TENM2: variants seen among roughly 807,000 people sequenced by gnomAD.
TENM2 encodes the protein teneurin-2.
TENM2 carries 52 observed loss-of-function variants against 245.2 expected under a neutral mutation model. The observed-to-expected ratio is 0.21, with a 90% CI of 0.17 to 0.27. The LOEUF (loss-of-function observed/expected upper bound fraction) is 0.27. TENM2 is among the 10% of genes least tolerant of loss of function. The pLI, the probability that TENM2 is intolerant of heterozygous loss-of-function variation, is 1.00. For missense variants in TENM2, 3,046 were observed against 3,666.8 expected, an observed-to-expected ratio of 0.83 and a Z score of 4.37; for synonymous variants, 1,363 against 1,438.9, an observed-to-expected ratio of 0.95 and a Z score of 1.19.
At chr5:167,808,746 G>A (rs1367946733) in intron 2 of TENM2, among the ~76,000 whole-genome samples, 1 of 152,120 alleles carries the variant, frequency 6.6e-6, no homozygotes, top group Non-Finnish European at 1.5e-5. Context: ...TTTAAAAAGT[G>A]TATCTTTGTC....
chr5:167,506,195 C>T (rs1217836418), intron 2 of TENM2, among the ~76,000 whole-genome samples: 1 of 152,128 alleles, frequency 6.6e-6, no homozygotes, highest in Non-Finnish European at 1.5e-5. Flanking sequence ...CATGTGTTTT[C>T]CATTAGCATA....
At chr5:167,107,249 C>T in the TENM2 span, among the ~76,000 whole-genome samples, 26 of 144,972 alleles carry the variant, frequency 1.8e-4, 1 homozygote, top group African/African-American at 5.7e-4. Context: ...GCAACAAGAG[C>T]GAAACTTCGT....
At chr5:167,671,040 G>T (rs938280401) in intron 2 of TENM2, among the ~76,000 whole-genome samples, 1 of 152,026 alleles carries the variant, frequency 6.6e-6, no homozygotes, top group Admixed American at 6.6e-5. Context: ...CAATAAATGT[G>T]TAATCTTGTG....
At chr5:167,561,106 G>T (rs1408500442) in intron 2 of TENM2, among the ~76,000 whole-genome samples, 1 of 152,138 alleles carries the variant, frequency 6.6e-6, no homozygotes, top group Non-Finnish European at 1.5e-5. Flanking sequence ...AGGTACCTTG[G>T]TATATTCATC....
the TENM2 span, among the ~76,000 whole-genome samples, chr5:167,104,364 G>A: frequency 6.6e-6 from 1 of 152,200 alleles, no homozygotes; most frequent in Non-Finnish European, 1.5e-5. Flanking sequence ...TCGAAGCGCT[G>A]TGCTGAGTGT....
chr5:167,118,561 A>G, the TENM2 span, among the ~76,000 whole-genome samples: 1 of 152,180 alleles, frequency 6.6e-6, no homozygotes, highest in African/African-American at 2.4e-5. Flanking sequence ...GAAAATTAGT[A>G]TTTTCTTTCT....
At chr5:167,666,480 A>T (rs1755584215) in intron 2 of TENM2, among the ~76,000 whole-genome samples, 1 of 152,208 alleles carries the variant, frequency 6.6e-6, no homozygotes, top group Non-Finnish European at 1.5e-5. Context: ...AACATTAATT[A>T]TGATATTGAA....
At chr5:167,117,998 G>T in the TENM2 span, among the ~76,000 whole-genome samples, 3 of 152,130 alleles carry the variant, frequency 2.0e-5, no homozygotes, top group African/African-American at 7.2e-5. Context: ...CCTAATCCTA[G>T]GTTTAAGCCT....
chr5:167,230,132 C>T, the TENM2 span, among the ~76,000 whole-genome samples: 2 of 152,062 alleles, frequency 1.3e-5, no homozygotes, highest in Non-Finnish European at 2.9e-5. Context: ...GCTTAGGGCT[C>T]GGGGGCTTGT....
At chr5:168,228,335 C>CATCT (rs1764440925) in intron 25 of TENM2, among the ~76,000 whole-genome samples, 1 of 151,940 alleles carries the variant, frequency 6.6e-6, no homozygotes, top group African/African-American at 2.4e-5. Flanking sequence ...AGGTAGAATC[C>CATCT]ATCTCCCTTT....
At position 167,294,209 on chromosome 5, in the gene TENM2, A is replaced by ATGGC. The variant is rs1325286281; in HGVS notation, c.226+9147_226+9150dup. The stretch of plus-strand genomic sequence containing the variant: ...CAATCCCCAGGGCTTGAGACAGAGG[A>ATGGC]TGGCCTGGTTTGTGGGTTAGATGGG... On this transcript the variant is annotated intron_variant, in intron 1 of 28. Coordinates refer to ENST00000518659, the Ensembl canonical transcript of TENM2. 9 of 152,256 alleles carry ATGGC rather than the reference A, an allele frequency of 5.9e-5. 1 individual carries two copies. Among genetic ancestry groups the ATGGC allele is most frequent in the Admixed American group, 3.9e-4 (6 of 15,302 alleles). The allele number at this position is 152,256 out of a possible 1,614,324, so 9.4% of individuals were successfully genotyped here.
At chr5:167,810,840 C>T (rs1237128557) in intron 2 of TENM2, among the ~76,000 whole-genome samples, 1 of 152,060 alleles carries the variant, frequency 6.6e-6, no homozygotes, top group South Asian at 2.1e-4. Context: ...CTATTAAGGC[C>T]CTTCTCAAAT....
chr5:167,825,283 T>C (rs1427036431), intron 2 of TENM2, among the ~76,000 whole-genome samples: 8 of 151,866 alleles, frequency 5.3e-5, no homozygotes, highest in Non-Finnish European at 1.2e-4. Context: ...GTGTAGTACA[T>C]GGGTTTCTGC....
At chr5:167,100,982 G>A in the TENM2 span, among the ~76,000 whole-genome samples, 3 of 152,200 alleles carry the variant, frequency 2.0e-5, no homozygotes, top group African/African-American at 4.8e-5. Flanking sequence ...TAATGCTGCA[G>A]TTCTGGAGAT....
the TENM2 span, among the ~76,000 whole-genome samples, chr5:167,052,666 C>T: frequency 3.9e-5 from 6 of 152,084 alleles, no homozygotes; most frequent in East Asian, 1.2e-3. Flanking sequence ...AATTATCAGG[C>T]TTTGAAATAG....
chr5:167,081,526 G>A, the TENM2 span, among the ~76,000 whole-genome samples: 1 of 152,070 alleles, frequency 6.6e-6, no homozygotes, highest in African/African-American at 2.4e-5. Context: ...GAAATTCAGA[G>A]GAAAGAGTTA....
At chr5:166,990,823 A>C in the TENM2 span, among the ~76,000 whole-genome samples, 2 of 152,330 alleles carry the variant, frequency 1.3e-5, no homozygotes, top group East Asian at 3.9e-4. Flanking sequence ...GATAGCTTTG[A>C]GAATTTGTTA....
chr5:167,770,062 C>T (rs1481691700), intron 2 of TENM2, among the ~76,000 whole-genome samples: 1 of 152,206 alleles, frequency 6.6e-6, no homozygotes, highest in Non-Finnish European at 1.5e-5. Flanking sequence ...ACATGTGCTC[C>T]AAGGACCTAA....
intron 2 of TENM2, among the ~76,000 whole-genome samples, chr5:167,482,785 C>T (rs1464169617): frequency 6.6e-6 from 1 of 152,126 alleles, no homozygotes; most frequent in African/African-American, 2.4e-5. Flanking sequence ...TCTCATAGGG[C>T]AACAGTTATA....
Sources: gnomAD v4.1 joint callset for allele counts (sites outside exome capture counted in the v4.1 genomes callset) on GRCh38, gnomAD v4.1.1 for gene constraint, MANE v1.5 for transcripts, NCBI Gene and HGNC (gene_info 2026-07-23, HGNC 2026-07-21) for gene names.